Variants in SRP54 observed in about 807,000 individuals in gnomAD.
SRP54 encodes signal recognition particle subunit SRP54.
In SRP54, 10 loss-of-function variants were observed where a neutral mutation model predicts 64.8. The ratio of observed to expected loss-of-function variants is 0.15; its 90% CI spans 0.10 to 0.26. SRP54 has a LOEUF of 0.26. Among genes scored for constraint, SRP54 ranks in the 10% least tolerant of loss-of-function variants. The probability of loss-of-function intolerance (pLI) is 1.00; values close to 1 mark genes in which losing one functional copy is unlikely to be tolerated. For missense variants in SRP54, 325 were observed against 613.7 expected, an observed-to-expected ratio of 0.53 and a Z score of 4.97; for synonymous variants, 193 against 185.6, an observed-to-expected ratio of 1.04 and a Z score of -0.32.
intron 11 of SRP54, among the ~76,000 whole-genome samples, chr14:35,017,300 T>G (rs959520053): frequency 2.0e-5 from 3 of 152,212 alleles, no homozygotes; most frequent in African/African-American, 7.2e-5. Flanking sequence ...AATATTCTAC[T>G]CATTCTGAGA....
chr14:35,009,400 A>C lies in SRP54; in HGVS notation c.485+569A>C, dbSNP rs186531518. On this transcript the variant is annotated intron_variant, in intron 7 of 15. Transcript: ENST00000216774. ...ATCTGAGTTTTTGGTGGTGGTTCTT[A>C]ATTTAGGGGAAAAACTTTTTTTGTA... Among the ~76,000 whole-genome samples, 804 of 150,244 alleles carry C rather than the reference A, an allele frequency of 5.4e-3. 11 individuals are homozygous for C. Among genetic ancestry groups the C allele is most frequent in the Non-Finnish European group, 9.1e-3 (618 of 67,590 alleles).
In SRP54 at chr14:34,983,721, C is replaced by T. The variant is rs183044431; in HGVS notation, c.-34+506C>T. On this transcript the variant is annotated intron_variant, in intron 1 of 15. Transcript: ENST00000216774. ...CTTGAAACTTTCCCCTGCTGCCTTT[C>T]TTCATGCTATCCTCACCTGATTCTT... is the stretch of plus-strand genomic sequence containing the variant. Among the ~76,000 whole-genome samples the T allele has an allele frequency of 2.6e-3, 397 of 152,332 alleles. 2 individuals are homozygous for T. The highest frequency in any genetic ancestry group is 9.0e-3 in the African/African-American group (374 of 41,570).
chr14:34,993,476 T>C (rs956348806), intron 1 of SRP54: 2 of 152,130 alleles, frequency 1.3e-5, no homozygotes, highest in African/African-American at 2.4e-5. Flanking sequence ...CATCAAGTAT[T>C]GGTAGTAAGT....
rs768557701 is a variant in SRP54 at position 35,008,611 on chromosome 14, A to G, written c.361-16A>G. On this transcript the variant is annotated splice_polypyrimidine_tract_variant and intron_variant, in intron 5 of 15. Coordinates refer to ENST00000216774, the MANE Select transcript of SRP54 (RefSeq NM_003136.4). ...ATATTTTATGATATTATATTTTTAA[A>G]TCTTTTCTCACCCAGCTAGCATATT... is the stretch of plus-strand genomic sequence containing the variant. 5 of 1,505,116 alleles carry G rather than the reference A, an allele frequency of 3.3e-6. No homozygotes were observed. Among genetic ancestry groups the G allele is most frequent in the Non-Finnish European group, 4.5e-6 (5 of 1,119,188 alleles). The allele number at this position is 1,505,116 out of a possible 1,614,324, so 93.2% of individuals were successfully genotyped here.
chr14:35,022,871 A>G, intron 13 of SRP54, 39 bp from the exon 14 acceptor site: 1 of 1,525,664 alleles, frequency 6.6e-7, no homozygotes, highest in Non-Finnish European at 8.8e-7. Flanking sequence ...TTGATGGTGA[A>G]TGATAATTGT....
chr14:34,990,168 C>T (rs554914035), intron 1 of SRP54, among the ~76,000 whole-genome samples: 31 of 152,156 alleles, frequency 2.0e-4, no homozygotes, highest in South Asian at 4.1e-4. Flanking sequence ...CCCTGTGACT[C>T]GAGCCAGGAT....
At chr14:35,021,522 A>G (rs187844032) in intron 13 of SRP54, among the ~76,000 whole-genome samples, 179 of 152,054 alleles carry the variant, frequency 1.2e-3, no homozygotes, top group African/African-American at 4.2e-3. Context: ...AGTTCCAGCT[A>G]CTCAGGAGCC....
Position 35,007,312 on chromosome 14 carries a change from A to G in SRP54, c.285A>G (p.Thr95=). The change falls in exon 5 of 16, where the codon ACA becomes ACG. Residue 95 remains threonine, a synonymous_variant. Transcript: ENST00000216774. ...TAGACCCTGGAGTTAAGGCATGGAC[A>G]CCCACTAAAGGAAAACAAAATGTGA... ...KLVDPGVKAW[T]PTKGKQNVIM... 2 of 1,592,990 alleles carry G rather than the reference A, an allele frequency of 1.3e-6. No individual in the cohort carries two copies. Among genetic ancestry groups the G allele is most frequent in the South Asian group, 1.1e-5 (1 of 88,532 alleles).
intron 1 of SRP54, among the ~76,000 whole-genome samples, chr14:34,991,530 G>A (rs2043979787): frequency 6.6e-6 from 1 of 151,924 alleles, no homozygotes; most frequent in East Asian, 1.9e-4. Flanking sequence ...AGGGAAGAGG[G>A]TTGCAGTTTT....
chr14:35,019,201 G>A lies in SRP54; in HGVS notation c.1156+127G>A, dbSNP rs925000290. The A allele has an allele frequency of 1.7e-5, 11 of 648,624 alleles. No homozygotes were observed. In the African/African-American group the frequency reaches 2.0e-4, roughly 12 times the overall value. 40.2% of individuals were successfully genotyped at this position (648,624 alleles called of 1,614,324 possible). A position where few individuals can be genotyped will look rare whatever the true frequency, so the allele number is the denominator to read the frequency against. ...TGAAAGATTATTTTTAGGTAGATTTGTAATAGCTTGAAAGCTCTTACTCAA... is the reference window on the plus strand; with the variant it reads ...TGAAAGATTATTTTTAGGTAGATTTATAATAGCTTGAAAGCTCTTACTCAA... On this transcript the variant is annotated intron_variant, in intron 13 of 15. Transcript: ENST00000216774.
At chr14:35,000,553 A>T (rs2138983069) in intron 3 of SRP54, among the ~76,000 whole-genome samples, 1 of 143,840 alleles carries the variant, frequency 7.0e-6, no homozygotes, top group South Asian at 2.3e-4. Flanking sequence ...GCTGATAGTG[A>T]GACTGTCTCA....
At chr14:35,026,657 ACTT>A (rs2044630812) in intron 14 of SRP54, among the ~76,000 whole-genome samples, 1 of 152,132 alleles carries the variant, frequency 6.6e-6, no homozygotes, top group Admixed American at 6.5e-5. Context: ...CTTAAAGAAA[ACTT>A]CTGGCCAGGC....
At chr14:35,025,145 TC>T (rs375680645) in intron 14 of SRP54, among the ~76,000 whole-genome samples, 27 of 152,312 alleles carry the variant, frequency 1.8e-4, no homozygotes, top group African/African-American at 6.3e-4. Flanking sequence ...TTCCAACTGT[TC>T]CAGTCCTCTT....
At chr14:35,026,974 G>T (rs891195060) in intron 14 of SRP54, among the ~76,000 whole-genome samples, 10 of 150,434 alleles carry the variant, frequency 6.6e-5, no homozygotes, top group Non-Finnish European at 1.0e-4. Flanking sequence ...AAACTTCTTA[G>T]ATACATACAC....
chr14:35,028,060 C>T lies in SRP54; in HGVS notation c.1328-28C>T, dbSNP rs17510813. On this transcript the variant is annotated intron_variant, in intron 14 of 15. Transcript: ENST00000216774. Reference sequence around the variant, plus strand: ...CTGATTATATTACCTCCTACGCTGACTCAAAATCTTTTTTTTTTTCCCCTC... The same window carrying T: ...CTGATTATATTACCTCCTACGCTGATTCAAAATCTTTTTTTTTTTCCCCTC... 160,397 of 1,521,576 alleles carry T rather than the reference C, an allele frequency of 0.11. 9,735 individuals carry two copies. Among genetic ancestry groups the T allele is most frequent in the Non-Finnish European group, 0.12 (134,539 of 1,102,766 alleles). The allele number at this position is 1,521,576 out of a possible 1,614,324, so 94.3% of individuals were successfully genotyped here. A position where few individuals can be genotyped will look rare whatever the true frequency, so the allele number is the denominator to read the frequency against.
intron 13 of SRP54, among the ~76,000 whole-genome samples, chr14:35,020,687 T>C (rs992184701): frequency 2.0e-5 from 3 of 152,214 alleles, no homozygotes; most frequent in Admixed American, 2.0e-4. Context: ...TCACTGTCTT[T>C]AACACTGCAA....
At chr14:35,027,219 G>A (rs1267538643) in intron 14 of SRP54, among the ~76,000 whole-genome samples, 3 of 151,746 alleles carry the variant, frequency 2.0e-5, no homozygotes, top group Non-Finnish European at 1.5e-5. Flanking sequence ...TAGTGGAGAC[G>A]GGGTTTCACC....
At chr14:35,013,241 C>T (rs1045007362) in intron 8 of SRP54, 105 bp from the exon 9 acceptor site, 6 of 1,077,388 alleles carry the variant, frequency 5.6e-6, no homozygotes, top group South Asian at 2.8e-5. Context: ...AGGCATGAGC[C>T]ACTGCACCTG....
chr14:35,023,710 G>C (rs2044572096), intron 14 of SRP54, among the ~76,000 whole-genome samples: 6 of 151,768 alleles, frequency 4.0e-5, no homozygotes, highest in Admixed American at 3.3e-4. Flanking sequence ...CTTGAACCCA[G>C]GAGGCGGAGC....
Sources: allele counts gnomAD v4.1 joint callset (sites outside exome capture counted in the v4.1 genomes callset), GRCh38; gene constraint gnomAD v4.1.1; transcripts MANE v1.5; gene names NCBI Gene and HGNC (gene_info 2026-07-23, HGNC 2026-07-21).